CMYA5: variants seen among roughly 807,000 people sequenced by gnomAD.
The protein encoded by CMYA5 is cardiomyopathy associated 5.
In CMYA5, 246 loss-of-function variants were observed where a neutral mutation model predicts 318.9. The observed-to-expected ratio is 0.77, with a 90% CI of 0.70 to 0.86. The LOEUF (loss-of-function observed/expected upper bound fraction) is 0.86. Among genes scored for constraint, CMYA5 ranks in the 40% least tolerant of loss-of-function variants. CMYA5 has a pLI of 0.00. For missense variants in CMYA5, 4,589 were observed against 4,678.2 expected (o/e 0.98, Z 0.56); for synonymous variants, 1,641 against 1,729.5 (o/e 0.95, Z 1.27).
At chr5:79,710,651 T>C (rs1013183977) in intron 1 of CMYA5, among the ~76,000 whole-genome samples, 4 of 152,166 alleles carry the variant, frequency 2.6e-5, no homozygotes, top group Non-Finnish European at 5.9e-5. Flanking sequence ...TTTGTGTGCT[T>C]CTGTTTTCCT....
intron 1 of CMYA5, among the ~76,000 whole-genome samples, chr5:79,718,554 T>G (rs1335643823): frequency 6.6e-6 from 1 of 152,188 alleles, no homozygotes; most frequent in Non-Finnish European, 1.5e-5. Context: ...GCACTGTGAT[T>G]GCTTGAGAGA....
chr5:79,726,367 GAGA>G (rs1827748823), intron 1 of CMYA5, among the ~76,000 whole-genome samples: 1 of 152,160 alleles, frequency 6.6e-6, no homozygotes, highest in South Asian at 2.1e-4. Context: ...ACATGGAAGA[GAGA>G]AGATGTAGGA....
intron 1 of CMYA5, among the ~76,000 whole-genome samples, chr5:79,725,507 A>T (rs1827729595): frequency 6.6e-6 from 1 of 152,360 alleles, no homozygotes; most frequent in East Asian, 1.9e-4. Context: ...CACACTGGGT[A>T]CTATGTTCAC....
At chr5:79,771,082 A>C (rs990247848) in intron 9 of CMYA5, among the ~76,000 whole-genome samples, 5 of 152,052 alleles carry the variant, frequency 3.3e-5, no homozygotes, top group African/African-American at 9.7e-5. Context: ...AAAAAAAAAA[A>C]AAAACCAGAC....
intron 1 of CMYA5, among the ~76,000 whole-genome samples, chr5:79,727,062 C>T (rs370521134): frequency 8.0e-4 from 122 of 151,850 alleles, no homozygotes; most frequent in Admixed American, 1.2e-3. Context: ...ATTACAGGCA[C>T]CCACCACCAC....
At chr5:79,725,863 C>A (rs1014228730) in intron 1 of CMYA5, among the ~76,000 whole-genome samples, 1 of 152,174 alleles carries the variant, frequency 6.6e-6, no homozygotes, top group Non-Finnish European at 1.5e-5. Context: ...AAGACTGCAA[C>A]CCTGCACTCC....
At chr5:79,746,703 AT>A (rs1179427731) in intron 4 of CMYA5, among the ~76,000 whole-genome samples, 33 of 152,178 alleles carry the variant, frequency 2.2e-4, no homozygotes, top group South Asian at 1.0e-3. Flanking sequence ...CATTTAAGTC[AT>A]TTTTCCTGCT....
chr5:79,746,643 C>T lies in CMYA5; in HGVS notation c.10969-448C>T, dbSNP rs538220044. Among the ~76,000 whole-genome samples, 6 of 150,172 alleles carry T rather than the reference C, an allele frequency of 4.0e-5. No homozygotes were observed. In the East Asian group the frequency reaches 1.2e-3, roughly 30 times the overall value. ...AAATATAGAAAAGCACACAAAATAT[C>T]ACTCAGATAAATACTGATTACAGTT... On this transcript the variant is annotated intron_variant, in intron 4 of 12. Coordinates refer to ENST00000446378, the MANE Select transcript of CMYA5 (RefSeq NM_153610.5).
intron 9 of CMYA5, among the ~76,000 whole-genome samples, chr5:79,768,399 G>A (rs1403657621): frequency 6.6e-6 from 1 of 150,896 alleles, no homozygotes; most frequent in Non-Finnish European, 1.5e-5. Context: ...CAGTGTCGAC[G>A]GTCTTTACAA....
At chr5:79,697,207 G>A (rs1827084077) in intron 1 of CMYA5, among the ~76,000 whole-genome samples, 1 of 152,188 alleles carries the variant, frequency 6.6e-6, no homozygotes, top group Non-Finnish European at 1.5e-5. Context: ...CAAATGCATT[G>A]GTACAATGAA....
chr5:79,723,174 C>T (rs976639461), intron 1 of CMYA5, among the ~76,000 whole-genome samples: 1 of 152,180 alleles, frequency 6.6e-6, no homozygotes, highest in Non-Finnish European at 1.5e-5. Context: ...GGTGCAGTGG[C>T]TCACGCCTGT....
intron 12 of CMYA5, among the ~76,000 whole-genome samples, chr5:79,795,197 C>A (rs1829254769): frequency 6.6e-6 from 1 of 151,374 alleles, no homozygotes; most frequent in African/African-American, 2.4e-5. Flanking sequence ...AGAGTGTGTC[C>A]CTTTGTGTGG....
chr5:79,773,044 C>G (rs1003573736), intron 9 of CMYA5, among the ~76,000 whole-genome samples: 1 of 152,188 alleles, frequency 6.6e-6, no homozygotes, highest in African/African-American at 2.4e-5. Context: ...CCATTCTTCA[C>G]TTTGATTCTT....
At chr5:79,741,276 A>C (rs1011184455) in intron 2 of CMYA5, among the ~76,000 whole-genome samples, 3 of 152,292 alleles carry the variant, frequency 2.0e-5, no homozygotes, top group African/African-American at 7.2e-5. Flanking sequence ...AGTTTAAATG[A>C]TTTGCCCAAG....
At chr5:79,715,701 A>G (rs1827503790) in intron 1 of CMYA5, among the ~76,000 whole-genome samples, 1 of 152,060 alleles carries the variant, frequency 6.6e-6, no homozygotes, top group African/African-American at 2.4e-5. Context: ...AAGCAGCTGT[A>G]GAGCTGGCAG....
chr5:79,725,903 CATAAA>C (rs1827738696), intron 1 of CMYA5, among the ~76,000 whole-genome samples: 1 of 152,236 alleles, frequency 6.6e-6, no homozygotes, highest in Middle Eastern at 3.4e-3. Flanking sequence ...GACTCTGTCT[CATAAA>C]ATAAAATAAT....
At chr5:79,716,790 G>T (rs896316634) in intron 1 of CMYA5, among the ~76,000 whole-genome samples, 3 of 152,116 alleles carry the variant, frequency 2.0e-5, no homozygotes, top group Admixed American at 1.3e-4. Context: ...TTTGTTTTAC[G>T]GTGGAGCTAC....
chr5:79,790,189 A>G (rs1474037030), intron 10 of CMYA5, among the ~76,000 whole-genome samples: 1 of 152,206 alleles, frequency 6.6e-6, no homozygotes, highest in African/African-American at 2.4e-5. Flanking sequence ...CTGTCTTCCC[A>G]GCAGTGTTCT....
intron 5 of CMYA5, 28 bp downstream of exon 5, chr5:79,747,141 G>A (rs1828345862): frequency 9.8e-6 from 15 of 1,534,198 alleles, no homozygotes; most frequent in Non-Finnish European, 1.3e-5. Context: ...CAATGTAGTG[G>A]CAAACAGCAT....
Sources: allele counts gnomAD v4.1 joint callset (sites outside exome capture counted in the v4.1 genomes callset), GRCh38; gene constraint gnomAD v4.1.1; transcripts MANE v1.5; gene names NCBI Gene and HGNC (gene_info 2026-07-23, HGNC 2026-07-21).